The following MRC2 variants were observed in gnomAD, a reference collection of about 807,000 sequenced individuals.
MRC2 encodes C-type mannose receptor 2.
A neutral mutation model predicts 206.2 loss-of-function variants in MRC2; 84 were observed. That is an observed-to-expected ratio of 0.41 (90% CI 0.34 to 0.49). MRC2 has a LOEUF of 0.49. Among genes scored for constraint, MRC2 ranks in the 20% least tolerant of loss-of-function variants. MRC2 has a pLI of 0.31. For synonymous variants in MRC2, 798 were observed against 800.0 expected (o/e 1.00, Z 0.04); for missense variants, 1,676 against 2,001.5 (o/e 0.84, Z 3.10).
rs1290953954 is a variant in MRC2, at chr17:62,674,059, G to A, written c.1462-4G>A. 16 of 1,549,042 alleles carry A rather than the reference G, an allele frequency of 1.0e-5. No homozygotes were observed. Among genetic ancestry groups the A allele is most frequent in the Admixed American group, 2.0e-5 (1 of 50,916 alleles). On this transcript the variant is annotated splice_region_variant and splice_polypyrimidine_tract_variant and intron_variant, in intron 8 of 29. Coordinates refer to ENST00000303375, the MANE Select transcript of MRC2 (RefSeq NM_006039.5). Reference sequence around the variant, plus strand: ...TGAGATTCTTCCTCACCCTGTGTCCGTAGGAAGGCCGCTGGAACGACAGTC... The same window carrying A: ...TGAGATTCTTCCTCACCCTGTGTCCATAGGAAGGCCGCTGGAACGACAGTC...
At chr17:62,679,559 G>C in intron 13 of MRC2, 1 of 353,600 alleles carries the variant, frequency 2.8e-6, no homozygotes, top group Non-Finnish European at 5.1e-6. Flanking sequence ...AAACAAAGGG[G>C]AGGGGCCACT....
chr17:62,688,766 C>T (rs371270824), intron 22 of MRC2, 86 bp from the exon 23 acceptor site: 1 of 1,586,868 alleles, frequency 6.3e-7, no homozygotes, highest in Non-Finnish European at 8.6e-7. Flanking sequence ...CTTCTTCCAG[C>T]CTCTTTGCTC....
intron 1 of MRC2, among the ~76,000 whole-genome samples, chr17:62,650,615 C>A (rs1216478702): frequency 6.6e-6 from 1 of 152,186 alleles, no homozygotes; most frequent in Non-Finnish European, 1.5e-5. Context: ...TTATTTAATA[C>A]CTCAGTTTCC....
intron 1 of MRC2, among the ~76,000 whole-genome samples, chr17:62,628,750 T>G (rs567226199): frequency 1.1e-4 from 16 of 152,076 alleles, no homozygotes; most frequent in Admixed American, 9.8e-4. Flanking sequence ...AACAGTGAAG[T>G]GTGGGGACAG....
At chr17:62,670,148 A>G (rs1309601525) in intron 6 of MRC2, among the ~76,000 whole-genome samples, 2 of 152,144 alleles carry the variant, frequency 1.3e-5, no homozygotes, top group African/African-American at 4.8e-5. Flanking sequence ...TGCCCAGCCC[A>G]TATCTCTCTG....
rs2088904324 is a variant in MRC2 at position 62,677,252 on chromosome 17, C to G, written c.1835-17C>G. The G allele has an allele frequency of 2.6e-6, 4 of 1,562,086 alleles. No individual in the cohort carries two copies. In the East Asian group the frequency reaches 7.0e-5, roughly 27 times the overall value. On this transcript the variant is annotated splice_polypyrimidine_tract_variant and intron_variant, in intron 11 of 29. Transcript: ENST00000303375. ...GAATCCTTCTCAGAGCCTGGGTCTCCCTTCCCTCTCCTTCAGGGTACAGCC... is the reference window on the plus strand; with the variant it reads ...GAATCCTTCTCAGAGCCTGGGTCTCGCTTCCCTCTCCTTCAGGGTACAGCC...
rs146295834 is a variant in MRC2, at chr17:62,677,158, G to A, written c.1835-111G>A. Reference sequence around the variant, plus strand: ...CCAGAGAGCATGTCTCTGAAGAGGTGGCCAAGCTGGTTCCCAGTGTGAGGG... The same window carrying A: ...CCAGAGAGCATGTCTCTGAAGAGGTAGCCAAGCTGGTTCCCAGTGTGAGGG... On this transcript the variant is annotated intron_variant, in intron 11 of 29. Coordinates refer to ENST00000303375, the MANE Select transcript of MRC2 (RefSeq NM_006039.5). 696 of 856,396 alleles carry A rather than the reference G, an allele frequency of 8.1e-4. 6 individuals are homozygous for A. Among genetic ancestry groups the A allele is most frequent in the African/African-American group, 7.4e-3 (436 of 58,750 alleles). 53.0% of individuals were successfully genotyped at this position (856,396 alleles called of 1,614,324 possible).
intron 1 of MRC2, among the ~76,000 whole-genome samples, chr17:62,638,996 T>C (rs1214717118): frequency 6.6e-6 from 1 of 152,214 alleles, no homozygotes; most frequent in Non-Finnish European, 1.5e-5. Context: ...AGTTTATAGT[T>C]GATCACACTT....
At chr17:62,631,476 A>AC (rs1399368631) in intron 1 of MRC2, among the ~76,000 whole-genome samples, 1 of 152,102 alleles carries the variant, frequency 6.6e-6, no homozygotes, top group Non-Finnish European at 1.5e-5. Context: ...ACGCTCCAGT[A>AC]CCATACAGCG....
At chr17:62,646,936 G>A (rs993219163) in intron 1 of MRC2, among the ~76,000 whole-genome samples, 1 of 152,170 alleles carries the variant, frequency 6.6e-6, no homozygotes, top group Non-Finnish European at 1.5e-5. Context: ...GGTATGTACA[G>A]TTGTTCTGGA....
intron 1 of MRC2, among the ~76,000 whole-genome samples, chr17:62,640,732 T>C (rs1017654137): frequency 6.6e-6 from 1 of 151,510 alleles, no homozygotes; most frequent in Non-Finnish European, 1.5e-5. Context: ...TCGCCCAGGC[T>C]GGAGTGCAGT....
At chr17:62,684,918 A>G (rs376417504) in intron 20 of MRC2, among the ~76,000 whole-genome samples, 1 of 152,168 alleles carries the variant, frequency 6.6e-6, no homozygotes, top group Non-Finnish European at 1.5e-5. Context: ...AGGCGGGTGG[A>G]TCACCTGAGA....
chr17:62,632,757 A>G (rs1173348408), intron 1 of MRC2, among the ~76,000 whole-genome samples: 7 of 152,150 alleles, frequency 4.6e-5, no homozygotes, highest in African/African-American at 1.7e-4. Context: ...CATGGTGACA[A>G]ATCCCAGATT....
At chr17:62,681,750 C>T in intron 18 of MRC2, 87 bp from the exon 19 acceptor site, 1 of 1,051,038 alleles carries the variant, frequency 9.5e-7, no homozygotes, top group Non-Finnish European at 1.4e-6. Flanking sequence ...CTTCCCTGCC[C>T]CCATTCCTGC....
At chr17:62,637,207 A>G (rs1403329391) in intron 1 of MRC2, among the ~76,000 whole-genome samples, 3 of 151,984 alleles carry the variant, frequency 2.0e-5, no homozygotes, top group African/African-American at 7.2e-5. Context: ...TAAAAATACA[A>G]AAATACAAAA....
chr17:62,661,867 T>G (rs775359922), intron 1 of MRC2: 2 of 152,246 alleles, frequency 1.3e-5, no homozygotes, highest in Admixed American at 1.3e-4. Context: ...AAAGTTCTTA[T>G]GCTATTGAAT....
intron 2 of MRC2, 150 bp from the exon 3 acceptor site, chr17:62,665,944 C>A: frequency 1.3e-6 from 1 of 750,938 alleles, no homozygotes; most frequent in Non-Finnish European, 2.1e-6. Context: ...AGCCTTAAAG[C>A]CACTATGGGG....
intron 1 of MRC2, among the ~76,000 whole-genome samples, chr17:62,636,654 A>G (rs977149569): frequency 1.3e-5 from 2 of 151,688 alleles, no homozygotes; most frequent in Non-Finnish European, 2.9e-5. Flanking sequence ...TTGAATTTTT[A>G]GTAGAGACGG....
chr17:62,643,189 A>T (rs552840040), intron 1 of MRC2, among the ~76,000 whole-genome samples: 1 of 152,158 alleles, frequency 6.6e-6, no homozygotes, highest in South Asian at 2.1e-4. Context: ...TTAGCTGGGC[A>T]TGGCGGCAGG....
Sources: gnomAD v4.1 joint callset for allele counts (sites outside exome capture counted in the v4.1 genomes callset) on GRCh38, gnomAD v4.1.1 for gene constraint, MANE v1.5 for transcripts, NCBI Gene and HGNC (gene_info 2026-07-23, HGNC 2026-07-21) for gene names.